Variants in PTGER3 observed in about 807,000 individuals in gnomAD.
PTGER3 encodes prostaglandin E receptor 3.
PTGER3 carries 22 observed loss-of-function variants against 34.7 expected under a neutral mutation model. The ratio of observed to expected loss-of-function variants is 0.63; its 90% CI spans 0.45 to 0.91. The LOEUF is 0.91. PTGER3 is among the 40% of genes least tolerant of loss of function. The pLI, the probability that PTGER3 is intolerant of heterozygous loss-of-function variation, is 0.00. For synonymous variants in PTGER3, 241 were observed against 230.1 expected, an observed-to-expected ratio of 1.05 and a Z score of -0.43; for missense variants, 468 against 519.4, an observed-to-expected ratio of 0.90 and a Z score of 0.96.
Position 70,927,295 on chromosome 1 carries a change from T to A in PTGER3, c.*23+26468A>T, listed in dbSNP as rs368764117. Among the ~76,000 whole-genome samples, 12 of 152,330 alleles carry A rather than the reference T, an allele frequency of 7.9e-5. No homozygotes were observed. The East Asian group carries it at 2.3e-3, about 29-fold the overall frequency. On this transcript the variant is annotated intron_variant, in intron 4 of 4. Coordinates refer to the PTGER3 transcript ENST00000370931. ...TTGTACCTCTGGTAGAATTCGGCTG[T>A]GAATCCATCTGGTCCTGGACTCTTT... is the stretch of plus-strand genomic sequence containing the variant.
Position 70,952,575 on chromosome 1 carries a change from C to G in PTGER3, c.*332G>C. On this transcript the variant is annotated 3_prime_UTR_variant, in exon 4 of 4. Coordinates refer to the PTGER3 transcript ENST00000356595. ...TTCTTCTGGACCAAATGTTAAAATA[C>G]TCTTGCATTTCTTCCAGAGATGCAC... 3.0e-6 allele frequency: 3 copies of G among 1,004,246 alleles called. No individual in the cohort carries two copies. The African/African-American group carries it at 5.2e-5, about 17-fold the overall frequency. 62.2% of individuals were successfully genotyped at this position (1,004,246 alleles called of 1,614,324 possible).
intron 4 of PTGER3, among the ~76,000 whole-genome samples, chr1:70,885,983 C>T (rs1219407090): frequency 1.3e-5 from 2 of 152,142 alleles, no homozygotes. Flanking sequence ...TACTAATAAA[C>T]CTCATATGAT....
At chr1:70,879,772 G>A (rs998501058) in intron 4 of PTGER3, among the ~76,000 whole-genome samples, 4 of 151,940 alleles carry the variant, frequency 2.6e-5, no homozygotes, top group Admixed American at 2.0e-4. Flanking sequence ...TTTAATTGAG[G>A]TATTTATTCT....
intron 1 of PTGER3, among the ~76,000 whole-genome samples, chr1:71,026,779 C>T (rs867622449): frequency 7.9e-5 from 12 of 151,986 alleles, no homozygotes; most frequent in East Asian, 1.9e-4. Context: ...ATTAGATAGA[C>T]GGTAAAAATG....
chr1:71,030,484 A>T (rs1659312063), intron 1 of PTGER3, among the ~76,000 whole-genome samples: 1 of 152,230 alleles, frequency 6.6e-6, no homozygotes, highest in African/African-American at 2.4e-5. Flanking sequence ...TTTTATAAAT[A>T]GTTTAGTGAA....
At chr1:70,932,319 C>T (rs1648783905) in intron 4 of PTGER3, among the ~76,000 whole-genome samples, 1 of 152,110 alleles carries the variant, frequency 6.6e-6, no homozygotes. Flanking sequence ...TCTTCTGAGC[C>T]CCCCAAACTG....
At chr1:71,036,541 TA>T (rs1362928275) in intron 1 of PTGER3, among the ~76,000 whole-genome samples, 1 of 149,972 alleles carries the variant, frequency 6.7e-6, no homozygotes, top group East Asian at 2.0e-4. Context: ...TAATTAAAAA[TA>T]AAAAATAAAA....
At chr1:70,942,111 A>C (rs1649814973) in intron 4 of PTGER3, among the ~76,000 whole-genome samples, 1 of 152,128 alleles carries the variant, frequency 6.6e-6, no homozygotes, top group African/African-American at 2.4e-5. Flanking sequence ...GGTCATGTGA[A>C]TAGTTCTCAG....
chr1:70,911,408 A>G (rs2100392960), intron 4 of PTGER3, among the ~76,000 whole-genome samples: 1 of 152,260 alleles, frequency 6.6e-6, no homozygotes, highest in Non-Finnish European at 1.5e-5. Context: ...GGAACAACAG[A>G]ACACATTTTC....
chr1:71,018,700 A>G (rs1004071383), intron 1 of PTGER3, among the ~76,000 whole-genome samples: 1 of 152,222 alleles, frequency 6.6e-6, no homozygotes, highest in African/African-American at 2.4e-5. Context: ...TCACAAAATT[A>G]CTTATTAAAA....
intron 1 of PTGER3, among the ~76,000 whole-genome samples, chr1:71,033,021 G>T (rs2100958577): frequency 6.6e-6 from 1 of 152,226 alleles, no homozygotes; most frequent in South Asian, 2.1e-4. Context: ...GTCTCTGTGT[G>T]ACTGTTCTGA....
intron 4 of PTGER3, among the ~76,000 whole-genome samples, chr1:70,925,980 G>A (rs1324822674): frequency 1.3e-5 from 2 of 151,958 alleles, no homozygotes; most frequent in African/African-American, 4.8e-5. Flanking sequence ...TATCCCCTGG[G>A]GCTACACAGA....
chr1:71,032,563 G>A lies in PTGER3; in HGVS notation c.897+14118C>T, dbSNP rs61013699. Among the ~76,000 whole-genome samples, 657 of 152,304 alleles carry A rather than the reference G, an allele frequency of 4.3e-3. 6 individuals are homozygous for A. The highest frequency in any genetic ancestry group is 0.015 in the African/African-American group (633 of 41,572). On this transcript the variant is annotated intron_variant, in intron 1 of 3. Transcript: ENST00000306666. Reference sequence around the variant, plus strand: ...CTAGCCAAAGAGCTGCAAAGCTATGGCTTAGGCTGGTTCCTTAGGAGCAGA... The same window carrying A: ...CTAGCCAAAGAGCTGCAAAGCTATGACTTAGGCTGGTTCCTTAGGAGCAGA...
chr1:70,917,403 T>TTGTG (rs59163586), intron 4 of PTGER3, among the ~76,000 whole-genome samples: 4,105 of 136,326 alleles, frequency 0.03, 84 homozygotes, highest in Non-Finnish European at 0.04. Flanking sequence ...GTATTTTATT[T>TTGTG]TGTGTGTGTG....
At chr1:70,926,170 G>C (rs1648064392) in intron 4 of PTGER3, among the ~76,000 whole-genome samples, 1 of 152,136 alleles carries the variant, frequency 6.6e-6, no homozygotes, top group Admixed American at 6.6e-5. Flanking sequence ...ATATGAGGTG[G>C]AGTATTTAAG....
At chr1:70,978,247 T>C (rs1168448994) in intron 2 of PTGER3, among the ~76,000 whole-genome samples, 3 of 152,156 alleles carry the variant, frequency 2.0e-5, no homozygotes. Flanking sequence ...TATGCTCTCA[T>C]CTTTGATTGT....
At position 71,047,052 on chromosome 1, in the gene PTGER3, C is replaced by A; in HGVS notation, c.526G>T (p.Ala176Ser). Residue 176 changes from alanine (A) to serine (S), a missense_variant, in exon 1 of 4, where the codon GCT becomes TCT. Transcript: ENST00000306666. ...GCCAGCCACACGCCGAGCAGCACAG[C>A]GCGGGTGGCACGCGTCTTCATGTGG... ...ASHMKTRATRAVLLGVWLAVL... is the reference protein window; with the variant it reads ...ASHMKTRATRSVLLGVWLAVL... 6.2e-7 allele frequency: 1 copy of A among 1,611,688 alleles called. No homozygotes were observed. Among genetic ancestry groups the A allele is most frequent in the South Asian group, 1.1e-5 (1 of 90,906 alleles).
intron 1 of PTGER3, among the ~76,000 whole-genome samples, chr1:71,025,718 G>A (rs1048998278): frequency 1.3e-5 from 2 of 152,198 alleles, no homozygotes; most frequent in African/African-American, 2.4e-5. Flanking sequence ...TTGCAGGAAT[G>A]TCTTCAATGC....
rs1658834812 is a variant in PTGER3, at chr1:71,025,366, T to C, written c.898-12882A>G. ...TATAGAATGAAAGGAGAACCAAGTA[T>C]TTAAAATAAAATATATTGAATCTAT... is the stretch of plus-strand genomic sequence containing the variant. On this transcript the variant is annotated intron_variant, in intron 1 of 3. Transcript: ENST00000306666. Among the ~76,000 whole-genome samples, 4 of 151,956 alleles carry C rather than the reference T, an allele frequency of 2.6e-5. No homozygotes were observed. The South Asian group carries it at 8.3e-4, about 32-fold the overall frequency.
Sources: gnomAD v4.1 joint callset for allele counts (sites outside exome capture counted in the v4.1 genomes callset) on GRCh38, gnomAD v4.1.1 for gene constraint, MANE v1.5 for transcripts, NCBI Gene and HGNC (gene_info 2026-07-23, HGNC 2026-07-21) for gene names.